Variants in LRP1B observed in about 807,000 individuals in gnomAD.
The protein encoded by LRP1B is low-density lipoprotein receptor-related protein 1B.
Under a neutral mutation model 556.6 loss-of-function variants are expected in LRP1B, and 217 were observed. The ratio of observed to expected loss-of-function variants is 0.39; its 90% CI spans 0.35 to 0.44. The LOEUF (loss-of-function observed/expected upper bound fraction) is 0.44, where lower values mean the gene tolerates loss of function less well. Ranked by LOEUF, LRP1B falls within the 20% of genes least tolerant of loss-of-function variation. LRP1B has a pLI of 1.00. For missense variants in LRP1B, 5,053 were observed against 5,620.8 expected, an observed-to-expected ratio of 0.90 and a Z score of 3.23; for synonymous variants, 2,047 against 1,865.8, an observed-to-expected ratio of 1.10 and a Z score of -2.50.
intron 35 of LRP1B, among the ~76,000 whole-genome samples, chr2:140,765,415 T>C (rs1396231417): frequency 6.6e-6 from 1 of 152,146 alleles, no homozygotes; most frequent in Non-Finnish European, 1.5e-5. Flanking sequence ...TTAGTGAAGA[T>C]CACTTAACTA....
intron 1 of LRP1B, among the ~76,000 whole-genome samples, chr2:141,893,960 A>C (rs7597611): frequency 0.45 from 66,994 of 147,692 alleles, 15,091 homozygotes; most frequent in South Asian, 0.58. Flanking sequence ...TTTCTCTCTC[A>C]CTCTTTTTCT....
chr2:140,257,549 G>GA (rs1213544446), intron 86 of LRP1B, among the ~76,000 whole-genome samples: 1 of 152,140 alleles, frequency 6.6e-6, no homozygotes, highest in Admixed American at 6.5e-5. Context: ...AACTTGGACA[G>GA]AAAAATATGA....
At chr2:141,382,405 G>C (rs1689675589) in intron 3 of LRP1B, among the ~76,000 whole-genome samples, 1 of 152,222 alleles carries the variant, frequency 6.6e-6, no homozygotes, top group Admixed American at 6.5e-5. Context: ...TCAGAGAACT[G>C]CCTGTGCAGA....
intron 3 of LRP1B, among the ~76,000 whole-genome samples, chr2:141,474,584 A>G (rs1412021562): frequency 6.6e-6 from 1 of 152,206 alleles, no homozygotes; most frequent in Admixed American, 6.5e-5. Context: ...TATATTAGGA[A>G]AGTTATTTTC....
chr2:141,271,337 A>T (rs1483451129), intron 3 of LRP1B, among the ~76,000 whole-genome samples: 1 of 145,374 alleles, frequency 6.9e-6, no homozygotes, highest in African/African-American at 2.6e-5. Flanking sequence ...CAACAACATT[A>T]AAAAAAAAAC....
intron 18 of LRP1B, among the ~76,000 whole-genome samples, chr2:140,953,392 A>T (rs1185297729): frequency 1.3e-5 from 2 of 152,230 alleles, no homozygotes; most frequent in South Asian, 4.1e-4. Flanking sequence ...CCTGGCCCAT[A>T]TTCTTTAATT....
intron 3 of LRP1B, among the ~76,000 whole-genome samples, chr2:141,360,007 C>T (rs957038363): frequency 6.6e-6 from 1 of 152,020 alleles, no homozygotes; most frequent in Non-Finnish European, 1.5e-5. Flanking sequence ...AAGATAGATA[C>T]ACAAAACCAA....
chr2:141,933,840 G>T (rs1261878228), intron 1 of LRP1B, among the ~76,000 whole-genome samples: 1 of 152,016 alleles, frequency 6.6e-6, no homozygotes, highest in Admixed American at 6.6e-5. Context: ...CATTAGCCAA[G>T]ACCTCAGATA....
At chr2:141,414,009 T>TGGAGGTGGCTAGGTGATG (rs1392691010) in intron 3 of LRP1B, among the ~76,000 whole-genome samples, 2 of 151,952 alleles carry the variant, frequency 1.3e-5, no homozygotes, top group African/African-American at 4.8e-5. Context: ...GGTGGGCGCA[T>TGGAGGTGGCTAGGTGATG]CACGAGGTCA....
chr2:141,878,456 A>G (rs774849804), intron 1 of LRP1B, among the ~76,000 whole-genome samples: 3 of 151,984 alleles, frequency 2.0e-5, no homozygotes, highest in African/African-American at 4.8e-5. Context: ...TGTATAGGAC[A>G]ATATTTTAAC....
intron 1 of LRP1B, among the ~76,000 whole-genome samples, chr2:141,831,745 A>G (rs555126700): frequency 2.0e-5 from 3 of 151,826 alleles, no homozygotes; most frequent in Admixed American, 1.3e-4. Context: ...TGAGAAAATC[A>G]TATAGTATTA....
At chr2:140,876,875 G>A (rs550474110) in intron 25 of LRP1B, among the ~76,000 whole-genome samples, 213 of 152,110 alleles carry the variant, frequency 1.4e-3, no homozygotes, top group African/African-American at 3.9e-3. Context: ...AGTCCTACGA[G>A]GATTTGTCTT....
At chr2:142,084,692 C>A (rs1346501715) in intron 1 of LRP1B, among the ~76,000 whole-genome samples, 2 of 152,184 alleles carry the variant, frequency 1.3e-5, no homozygotes, top group Non-Finnish European at 2.9e-5. Context: ...CCGTCCTTAT[C>A]ATTTATCCTA....
intron 1 of LRP1B, among the ~76,000 whole-genome samples, chr2:142,085,791 T>G (rs1453926515): frequency 6.6e-6 from 1 of 152,122 alleles, no homozygotes; most frequent in East Asian, 1.9e-4. Flanking sequence ...TGTATCTGAG[T>G]GTGGTTTGAC....
At chr2:141,985,816 T>C (rs975868267) in intron 1 of LRP1B, among the ~76,000 whole-genome samples, 3 of 152,024 alleles carry the variant, frequency 2.0e-5, no homozygotes, top group Non-Finnish European at 2.9e-5. Flanking sequence ...CATATTATTC[T>C]GTATAGCAAA....
At chr2:141,158,188 T>G (rs1702116650) in intron 7 of LRP1B, among the ~76,000 whole-genome samples, 1 of 152,158 alleles carries the variant, frequency 6.6e-6, no homozygotes, top group Non-Finnish European at 1.5e-5. Context: ...ACCAGTTGAA[T>G]TAAGCCTCTT....
intron 1 of LRP1B, among the ~76,000 whole-genome samples, chr2:142,086,676 T>C (rs999790569): frequency 2.0e-5 from 3 of 152,054 alleles, no homozygotes; most frequent in African/African-American, 7.2e-5. Flanking sequence ...GCAGCTTTGC[T>C]GGACTTGAGA....
intron 1 of LRP1B, among the ~76,000 whole-genome samples, chr2:141,922,731 A>C (rs1490389892): frequency 1.3e-5 from 2 of 152,128 alleles, no homozygotes; most frequent in Non-Finnish European, 2.9e-5. Context: ...CAAGAAATTG[A>C]GTCTAGAGTC....
At chr2:140,502,016 TATA>T (rs1689219882) in intron 54 of LRP1B, 142 bp from the exon 55 acceptor site, 1 of 568,296 alleles carries the variant, frequency 1.8e-6, no homozygotes, top group Non-Finnish European at 2.8e-6. Context: ...ACATATTCAG[TATA>T]ATATCTTACA....
Sources: allele counts gnomAD v4.1 joint callset (sites outside exome capture counted in the v4.1 genomes callset), GRCh38; gene constraint gnomAD v4.1.1; transcripts MANE v1.5; gene names NCBI Gene and HGNC (gene_info 2026-07-23, HGNC 2026-07-21).